Variants in SNTG1 observed in about 807,000 individuals in gnomAD.
SNTG1 encodes gamma-1-syntrophin.
SNTG1 carries 39 observed loss-of-function variants against 74.7 expected under a neutral mutation model. That is an observed-to-expected ratio of 0.52 (90% CI 0.40 to 0.68). The LOEUF (loss-of-function observed/expected upper bound fraction) is 0.68, where lower values mean the gene tolerates loss of function less well. Among genes scored for constraint, SNTG1 ranks in the 30% least tolerant of loss-of-function variants. SNTG1 has a pLI of 0.00. For missense variants in SNTG1, 685 were observed against 609.5 expected (o/e 1.12, Z -1.30); for synonymous variants, 254 against 217.1 (o/e 1.17, Z -1.49).
chr8:50,689,761 A>T (rs910809632), intron 15 of SNTG1, among the ~76,000 whole-genome samples: 3 of 152,206 alleles, frequency 2.0e-5, no homozygotes, highest in Non-Finnish European at 4.4e-5. Flanking sequence ...TGCTGGCCTC[A>T]TAAAATGAGT....
intron 18 of SNTG1, among the ~76,000 whole-genome samples, chr8:50,766,167 A>G (rs1242993531): frequency 6.6e-6 from 1 of 151,968 alleles, no homozygotes; most frequent in African/African-American, 2.4e-5. Context: ...TTACCCCATT[A>G]GTTACCATTC....
chr8:50,488,585 C>A (rs1219220805), intron 8 of SNTG1, among the ~76,000 whole-genome samples: 1 of 152,230 alleles, frequency 6.6e-6, no homozygotes, highest in East Asian at 1.9e-4. Flanking sequence ...CCTTTCTGGG[C>A]TTGCATATTG....
In SNTG1 at chr8:50,773,193, C is replaced by A. The variant is rs2095631713; in HGVS notation, c.1396-19478C>A. ...TATTTAACAATCAACAGTTTAAGAT[C>A]ACACCTACTTGAATTGGCAATACCA... is the stretch of plus-strand genomic sequence containing the variant. On this transcript the variant is annotated intron_variant, in intron 18 of 18. Transcript: ENST00000642720. Among the ~76,000 whole-genome samples the A allele has an allele frequency of 3.9e-5, 6 of 152,180 alleles. No individual in the cohort carries two copies. In the South Asian group the frequency reaches 1.2e-3, roughly 32 times the overall value.
intron 8 of SNTG1, among the ~76,000 whole-genome samples, 186 bp downstream of exon 8, chr8:50,450,915 G>A (rs1028296771): frequency 6.6e-6 from 1 of 152,088 alleles, no homozygotes; most frequent in Non-Finnish European, 1.5e-5. Context: ...TATCAAGGAT[G>A]AAATGTGTTC....
intron 15 of SNTG1, among the ~76,000 whole-genome samples, chr8:50,689,207 T>A (rs1433196418): frequency 1.3e-5 from 2 of 152,166 alleles, no homozygotes; most frequent in African/African-American, 4.8e-5. Context: ...CAGGGACAAC[T>A]TGACTTCCTC....
intron 17 of SNTG1, among the ~76,000 whole-genome samples, chr8:50,748,268 C>T (rs574428615): frequency 4.6e-5 from 7 of 151,982 alleles, no homozygotes; most frequent in Non-Finnish European, 1.0e-4. Flanking sequence ...TTATTGGAAC[C>T]TTTACCAATC....
chr8:50,735,980 GA>G (rs1235610121), intron 17 of SNTG1, among the ~76,000 whole-genome samples: 1 of 152,056 alleles, frequency 6.6e-6, no homozygotes, highest in African/African-American at 2.4e-5. Context: ...CATTCTTAAA[GA>G]AAAGGATTTT....
At chr8:50,309,636 T>C (rs1035724246) in intron 2 of SNTG1, among the ~76,000 whole-genome samples, 2 of 152,134 alleles carry the variant, frequency 1.3e-5, no homozygotes, top group African/African-American at 4.8e-5. Context: ...GCAGGTAACA[T>C]TGAGGGCTGG....
Position 50,092,178 on chromosome 8 carries a change from G to A in SNTG1, c.-102-80383G>A, listed in dbSNP as rs542055797. On this transcript the variant is annotated intron_variant, in intron 1 of 18. Coordinates refer to ENST00000642720, the MANE Select transcript of SNTG1 (RefSeq NM_018967.5). ...CCTGGCCCATCTGGTTAAGCTCCCC[G>A]TTCCTGGAAGGAGGACATAGCAGGG... Among the ~76,000 whole-genome samples the A allele has an allele frequency of 1.1e-4, 17 of 152,224 alleles. No individual in the cohort carries two copies. The East Asian group carries it at 2.1e-3, about 19-fold the overall frequency.
At chr8:50,289,255 G>T (rs1159070278) in intron 2 of SNTG1, among the ~76,000 whole-genome samples, 1 of 152,118 alleles carries the variant, frequency 6.6e-6, no homozygotes, top group Non-Finnish European at 1.5e-5. Context: ...TCCAGATGAA[G>T]CTGTGTCTTC....
intron 1 of SNTG1, among the ~76,000 whole-genome samples, chr8:50,068,461 T>G (rs1441886554): frequency 6.6e-6 from 1 of 152,092 alleles, no homozygotes; most frequent in Non-Finnish European, 1.5e-5. Flanking sequence ...GCTGTCGTCT[T>G]TGTTTGAGTA....
At chr8:49,943,970 AG>A (rs1163965179) in intron 1 of SNTG1, among the ~76,000 whole-genome samples, 1 of 152,220 alleles carries the variant, frequency 6.6e-6, no homozygotes, top group African/African-American at 2.4e-5. Flanking sequence ...ATAGTTCAAA[AG>A]CAAATAAAGT....
intron 2 of SNTG1, among the ~76,000 whole-genome samples, chr8:50,336,805 T>C (rs1030675619): frequency 2.0e-5 from 3 of 152,208 alleles, no homozygotes; most frequent in African/African-American, 7.2e-5. Context: ...TTCCAAAATG[T>C]AGAAACTAAG....
chr8:50,091,153 T>C (rs1056922029), intron 1 of SNTG1, among the ~76,000 whole-genome samples: 1 of 152,064 alleles, frequency 6.6e-6, no homozygotes, highest in Non-Finnish European at 1.5e-5. Context: ...AATGAGATTA[T>C]CTATTTTTCT....
intron 2 of SNTG1, among the ~76,000 whole-genome samples, chr8:50,350,593 A>C (rs1263519209): frequency 6.7e-6 from 1 of 148,478 alleles, no homozygotes; most frequent in African/African-American, 2.5e-5. Flanking sequence ...AGGGATTGTA[A>C]ATACACCAAT....
chr8:50,563,863 A>T (rs1002643159), intron 12 of SNTG1, among the ~76,000 whole-genome samples: 1 of 152,150 alleles, frequency 6.6e-6, no homozygotes, highest in African/African-American at 2.4e-5. Context: ...AGATTCTTTC[A>T]GACAGCTCTC....
At chr8:50,622,670 T>C (rs2094930768) in intron 13 of SNTG1, among the ~76,000 whole-genome samples, 1 of 152,150 alleles carries the variant, frequency 6.6e-6, no homozygotes, top group Non-Finnish European at 1.5e-5. Context: ...AGAATATATA[T>C]GTAAATATTA....
intron 13 of SNTG1, among the ~76,000 whole-genome samples, chr8:50,607,249 G>A (rs1467007259): frequency 1.3e-5 from 2 of 151,684 alleles, no homozygotes; most frequent in Non-Finnish European, 3.0e-5. Context: ...AAGCATTTAC[G>A]CTTCCTAAAT....
At chr8:50,306,871 C>T (rs565456840) in intron 2 of SNTG1, among the ~76,000 whole-genome samples, 46 of 151,720 alleles carry the variant, frequency 3.0e-4, no homozygotes, top group Middle Eastern at 3.4e-3. Context: ...TTTTGCCATG[C>T]GGAAGCTTTC....
Sources: gnomAD v4.1 joint callset for allele counts (sites outside exome capture counted in the v4.1 genomes callset) on GRCh38, gnomAD v4.1.1 for gene constraint, MANE v1.5 for transcripts, NCBI Gene and HGNC (gene_info 2026-07-23, HGNC 2026-07-21) for gene names.